PALLD: variants seen among roughly 807,000 people sequenced by gnomAD.
The protein encoded by PALLD is palladin, cytoskeletal associated protein, also known as palladin.
A neutral mutation model predicts 123.5 loss-of-function variants in PALLD; 61 were observed. That is an observed-to-expected ratio of 0.49 (90% CI 0.40 to 0.61). The LOEUF is 0.61. PALLD is among the 20% of genes least tolerant of loss of function. PALLD has a pLI of 0.00. For synonymous variants in PALLD, 465 were observed against 496.4 expected (o/e 0.94, Z 0.84); for missense variants, 1,273 against 1,377.0 (o/e 0.92, Z 1.20).
At chr4:168,499,456 G>A (rs889803530) in intron 1 of PALLD, among the ~76,000 whole-genome samples, 1 of 151,992 alleles carries the variant, frequency 6.6e-6, no homozygotes, top group African/African-American at 2.4e-5. Context: ...TCTAACTTTG[G>A]TTTTCATAGT....
chr4:168,899,871 G>A (rs112123438), intron 14 of PALLD, among the ~76,000 whole-genome samples: 4,006 of 151,090 alleles, frequency 0.027, 78 homozygotes, highest in Non-Finnish European at 0.039. Context: ...GACCAAGATC[G>A]CGCCATTGCA....
At chr4:168,757,579 A>G (rs747999384) in intron 10 of PALLD, among the ~76,000 whole-genome samples, 30 of 152,338 alleles carry the variant, frequency 2.0e-4, no homozygotes, top group African/African-American at 3.4e-4. Flanking sequence ...TTTCTGACAG[A>G]AAGAACGAAA....
intron 10 of PALLD, among the ~76,000 whole-genome samples, chr4:168,838,474 G>A (rs1023125035): frequency 6.6e-6 from 1 of 151,944 alleles, no homozygotes; most frequent in African/African-American, 2.4e-5. Flanking sequence ...AGGGAGTGCG[G>A]GGCCGGGGGT....
rs113479693 is a variant in PALLD, at chr4:168,669,229, C to T, written c.1087+861C>T. On this transcript the variant is annotated intron_variant, in intron 3 of 21. Coordinates refer to ENST00000505667, the MANE Select transcript of PALLD (RefSeq NM_001166108.2). Reference sequence around the variant, plus strand: ...GGAGGTGAAGAAGGCAAGATGTGAGCCACCATTTATAGCTCCTTCAAGAAC... The same window carrying T: ...GGAGGTGAAGAAGGCAAGATGTGAGTCACCATTTATAGCTCCTTCAAGAAC... Among the ~76,000 whole-genome samples, 1,087 of 152,180 alleles carry T rather than the reference C, an allele frequency of 7.1e-3. 9 individuals are homozygous for T. Among genetic ancestry groups the T allele is most frequent in the African/African-American group, 0.025 (1,022 of 41,512 alleles).
At chr4:168,706,791 T>C (rs776311108) in intron 8 of PALLD, among the ~76,000 whole-genome samples, 9 of 152,122 alleles carry the variant, frequency 5.9e-5, no homozygotes, top group East Asian at 1.9e-4. Flanking sequence ...TAACACGACA[T>C]CAAAAACTAT....
intron 15 of PALLD, among the ~76,000 whole-genome samples, chr4:168,905,790 C>CTTTT (rs59427697): frequency 7.6e-4 from 86 of 113,130 alleles, no homozygotes; most frequent in Middle Eastern, 5.4e-3. Context: ...GCTTTTTTTT[C>CTTTT]TTTTTTTTTT....
chr4:168,598,426 T>A (rs1424688962), intron 2 of PALLD: 1 of 626,302 alleles, frequency 1.6e-6, no homozygotes, highest in African/African-American at 1.8e-5. Context: ...CAGGAAACAT[T>A]TCTGTGATTG....
At chr4:168,538,573 A>G (rs541625686) in intron 2 of PALLD, among the ~76,000 whole-genome samples, 3 of 152,262 alleles carry the variant, frequency 2.0e-5, no homozygotes, top group East Asian at 3.9e-4. Context: ...ACCTGCGCTC[A>G]TTCTGTGACA....
At chr4:168,679,155 GGTGTGTGTGCATGGTGTGTGGTGGGGT>G (rs1158212828) in intron 3 of PALLD, among the ~76,000 whole-genome samples, 1 of 121,436 alleles carries the variant, frequency 8.2e-6, no homozygotes, top group Non-Finnish European at 1.7e-5. Flanking sequence ...GTGTGTGGGG[GGTGTGTGTGCATGGTGTGTGGTGGGGT>G]GTGTGTGTGG....
intron 2 of PALLD, among the ~76,000 whole-genome samples, chr4:168,539,206 C>T (rs894314472): frequency 1.1e-4 from 16 of 152,166 alleles, no homozygotes; most frequent in African/African-American, 3.4e-4. Flanking sequence ...AATTAAGTAA[C>T]TTTTCCATAA....
intron 2 of PALLD, among the ~76,000 whole-genome samples, chr4:168,603,641 T>G (rs770390426): frequency 4.1e-4 from 63 of 152,322 alleles, no homozygotes; most frequent in Non-Finnish European, 7.5e-4. Context: ...ACAATGCATT[T>G]TTGCAAGGTG....
chr4:168,884,641 T>C (rs1753089866), intron 10 of PALLD, among the ~76,000 whole-genome samples: 1 of 152,232 alleles, frequency 6.6e-6, no homozygotes, highest in African/African-American at 2.4e-5. Context: ...TTTCTAACTA[T>C]TGTGACCTAG....
At chr4:168,566,376 C>G (rs986241929) in intron 2 of PALLD, among the ~76,000 whole-genome samples, 1 of 152,148 alleles carries the variant, frequency 6.6e-6, no homozygotes, top group Non-Finnish European at 1.5e-5. Context: ...CAGCTCACTA[C>G]AACCTTGATC....
intron 2 of PALLD, among the ~76,000 whole-genome samples, chr4:168,619,558 C>T (rs1462506811): frequency 6.6e-6 from 1 of 152,152 alleles, no homozygotes; most frequent in African/African-American, 2.4e-5. Flanking sequence ...TTGTGTGATT[C>T]AGGTTGGGCT....
chr4:168,673,017 C>G (rs1561378771), intron 3 of PALLD, among the ~76,000 whole-genome samples: 1 of 152,142 alleles, frequency 6.6e-6, no homozygotes, highest in Admixed American at 6.5e-5. Flanking sequence ...AGCTACAGTT[C>G]CTTGCCTTCA....
chr4:168,811,384 T>G lies in PALLD; in HGVS notation c.1965-79538T>G, dbSNP rs192433070. Among the ~76,000 whole-genome samples the G allele has an allele frequency of 5.4e-4, 83 of 152,324 alleles. 1 individual carries two copies. The South Asian group carries it at 0.016, about 30-fold the overall frequency. ...TGGAAGGAAAGATTAATATCTTGAT[T>G]CTCTTTTGTCATGAGTAGATAAGGA... On this transcript the variant is annotated intron_variant, in intron 10 of 21. Coordinates refer to ENST00000505667, the MANE Select transcript of PALLD (RefSeq NM_001166108.2).
chr4:168,926,075 C>A, intron 21 of PALLD, 138 bp from the exon 22 acceptor site: 1 of 666,680 alleles, frequency 1.5e-6, no homozygotes, highest in Non-Finnish European at 2.4e-6. Context: ...AAAAGTGTTC[C>A]TAAATTTTCC....
chr4:168,703,208 T>G (rs1783870846), intron 8 of PALLD, among the ~76,000 whole-genome samples: 1 of 146,768 alleles, frequency 6.8e-6, no homozygotes, highest in Non-Finnish European at 1.5e-5. Context: ...GATTTCCAAT[T>G]TCATCCATGT....
chr4:168,568,333 G>A (rs560994785), intron 2 of PALLD, among the ~76,000 whole-genome samples: 6 of 151,922 alleles, frequency 3.9e-5, no homozygotes, highest in Non-Finnish European at 8.8e-5. Flanking sequence ...TTTTTCTCAT[G>A]GTATTGGGTA....
Sources: gnomAD v4.1 joint callset for allele counts (sites outside exome capture counted in the v4.1 genomes callset) on GRCh38, gnomAD v4.1.1 for gene constraint, MANE v1.5 for transcripts, NCBI Gene and HGNC (gene_info 2026-07-23, HGNC 2026-07-21) for gene names.